AKAP6: variants seen among roughly 807,000 people sequenced by gnomAD.
AKAP6 encodes A-kinase anchoring protein 6.
In AKAP6, 58 loss-of-function variants were observed where a neutral mutation model predicts 188.5. The ratio of observed to expected loss-of-function variants is 0.31; its 90% CI spans 0.25 to 0.38. The LOEUF (loss-of-function observed/expected upper bound fraction) is 0.38. AKAP6 is among the 10% of genes least tolerant of loss of function. AKAP6 has a pLI of 1.00. For synonymous variants in AKAP6, 989 were observed against 998.6 expected (o/e 0.99, Z 0.18); for missense variants, 2,710 against 2,740.0 (o/e 0.99, Z 0.24).
chr14:32,511,004 C>G (rs1488699427), intron 2 of AKAP6, among the ~76,000 whole-genome samples: 1 of 152,186 alleles, frequency 6.6e-6, no homozygotes, highest in Non-Finnish European at 1.5e-5. Flanking sequence ...CCTCTATCAT[C>G]TGTTTAGAGT....
At chr14:32,668,079 G>T (rs1275638023) in intron 7 of AKAP6, among the ~76,000 whole-genome samples, 1 of 152,078 alleles carries the variant, frequency 6.6e-6, no homozygotes, top group African/African-American at 2.4e-5. Context: ...TAAGGATGCT[G>T]CCATAGAATA....
At chr14:32,615,784 C>T (rs904614788) in intron 7 of AKAP6, among the ~76,000 whole-genome samples, 10 of 151,920 alleles carry the variant, frequency 6.6e-5, no homozygotes, top group Non-Finnish European at 1.2e-4. Context: ...TTTAGAGAGA[C>T]GGGGTTTCAC....
intron 2 of AKAP6, among the ~76,000 whole-genome samples, chr14:32,517,535 C>T (rs140178978): frequency 2.6e-5 from 4 of 152,324 alleles, no homozygotes; most frequent in Non-Finnish European, 4.4e-5. Flanking sequence ...AAATGGCACA[C>T]CAGGAGATTA....
At chr14:32,431,576 C>T (rs574092348) in intron 1 of AKAP6, among the ~76,000 whole-genome samples, 7 of 152,216 alleles carry the variant, frequency 4.6e-5, no homozygotes, top group Middle Eastern at 6.8e-3. Context: ...GGTGCAATCT[C>T]GGCTCAGCTC....
In AKAP6 at chr14:32,415,067, A is replaced by G. The variant is rs115614195; in HGVS notation, c.-34-18393A>G. Reference sequence around the variant, plus strand: ...TAAATATTTCATGGACAGAGACATAACTGGCAATACTGATGGAAAAGAAGT... The same window carrying G: ...TAAATATTTCATGGACAGAGACATAGCTGGCAATACTGATGGAAAAGAAGT... On this transcript the variant is annotated intron_variant, in intron 1 of 13. Coordinates refer to ENST00000280979, the MANE Select transcript of AKAP6 (RefSeq NM_004274.5). Among the ~76,000 whole-genome samples the G allele has an allele frequency of 3.9e-3, 595 of 152,350 alleles. 2 individuals carry two copies. Among genetic ancestry groups the G allele is most frequent in the African/African-American group, 0.014 (567 of 41,594 alleles).
At chr14:32,436,023 A>C (rs1309079150) in intron 2 of AKAP6, among the ~76,000 whole-genome samples, 2 of 152,212 alleles carry the variant, frequency 1.3e-5, no homozygotes, top group African/African-American at 2.4e-5. Flanking sequence ...GAACTTGGGC[A>C]CAGAGTTTTA....
chr14:32,655,668 C>T (rs998313819), intron 7 of AKAP6, among the ~76,000 whole-genome samples: 8 of 152,076 alleles, frequency 5.3e-5, no homozygotes, highest in African/African-American at 1.7e-4. Flanking sequence ...TTAGAGAAAG[C>T]GTTTCATGCA....
intron 7 of AKAP6, among the ~76,000 whole-genome samples, chr14:32,626,366 T>C (rs1887022421): frequency 6.6e-6 from 1 of 152,116 alleles, no homozygotes; most frequent in South Asian, 2.1e-4. Context: ...AATTTTCCTT[T>C]TTTTAAAATA....
chr14:32,624,426 A>AT (rs1354860518), intron 7 of AKAP6, among the ~76,000 whole-genome samples: 1 of 152,192 alleles, frequency 6.6e-6, no homozygotes, highest in East Asian at 1.9e-4. Context: ...CCATAATAAC[A>AT]TTTTAAATTG....
rs1478122393 is a variant in AKAP6 at position 32,433,333 on chromosome 14, A to G, written c.-34-127A>G. The G allele has an allele frequency of 4.4e-6, 3 of 680,770 alleles. No homozygotes were observed. The East Asian group carries it at 8.4e-5, about 19-fold the overall frequency. The allele number at this position is 680,770 out of a possible 1,614,324, so 42.2% of individuals were successfully genotyped here. On this transcript the variant is annotated intron_variant, in intron 1 of 13. Coordinates refer to ENST00000280979, the MANE Select transcript of AKAP6 (RefSeq NM_004274.5). ...CAAAACACCTCTTTCTGTTTTTGTT[A>G]TGAGCTATGGTTTCTTAATTTAGAA...
At chr14:32,699,907 G>A (rs974234760) in intron 9 of AKAP6, among the ~76,000 whole-genome samples, 7 of 152,166 alleles carry the variant, frequency 4.6e-5, no homozygotes, top group Admixed American at 2.0e-4. Flanking sequence ...CTAGAGTTAC[G>A]ACGCCAGAAT....
chr14:32,751,318 C>A (rs1184649586), intron 11 of AKAP6, among the ~76,000 whole-genome samples: 1 of 151,972 alleles, frequency 6.6e-6, no homozygotes, highest in African/African-American at 2.4e-5. Context: ...CACATATAAA[C>A]AATAGCTTGG....
chr14:32,368,426 A>G (rs963518059), intron 1 of AKAP6, among the ~76,000 whole-genome samples: 9 of 152,242 alleles, frequency 5.9e-5, no homozygotes, highest in Non-Finnish European at 1.0e-4. Flanking sequence ...GCTGTAAAGT[A>G]TGATGAGTAT....
intron 5 of AKAP6, among the ~76,000 whole-genome samples, chr14:32,581,764 C>G (rs1884977813): frequency 6.6e-6 from 1 of 152,132 alleles, no homozygotes; most frequent in Non-Finnish European, 1.5e-5. Flanking sequence ...TTCTTTGTCT[C>G]TTTTGATCTT....
chr14:32,695,268 G>T (rs980659437), intron 8 of AKAP6, among the ~76,000 whole-genome samples: 1 of 152,112 alleles, frequency 6.6e-6, no homozygotes, highest in African/African-American at 2.4e-5. Flanking sequence ...ATCTGCCACT[G>T]GTTCTCACTG....
intron 11 of AKAP6, among the ~76,000 whole-genome samples, chr14:32,760,494 T>G (rs1185905645): frequency 6.6e-6 from 1 of 152,186 alleles, no homozygotes; most frequent in Non-Finnish European, 1.5e-5. Context: ...TTGTGGTTTG[T>G]TTTTCAATCC....
chr14:32,575,060 G>C (rs768567605), intron 4 of AKAP6, among the ~76,000 whole-genome samples: 1 of 152,162 alleles, frequency 6.6e-6, no homozygotes, highest in Non-Finnish European at 1.5e-5. Flanking sequence ...CCAGATAAAG[G>C]AGTTTAGGAA....
chr14:32,667,305 C>CAAAATATT (rs1430630212), intron 7 of AKAP6, among the ~76,000 whole-genome samples: 1 of 151,940 alleles, frequency 6.6e-6, no homozygotes, highest in African/African-American at 2.4e-5. Context: ...AGGGAGTAAT[C>CAAAATATT]AAAATATTCC....
At chr14:32,539,330 G>A (rs1452656012) in intron 3 of AKAP6, among the ~76,000 whole-genome samples, 1 of 152,172 alleles carries the variant, frequency 6.6e-6, no homozygotes, top group East Asian at 1.9e-4. Context: ...CCTTCTGCGT[G>A]GGGATGCATT....
Sources: allele counts gnomAD v4.1 joint callset (sites outside exome capture counted in the v4.1 genomes callset), GRCh38; gene constraint gnomAD v4.1.1; transcripts MANE v1.5; gene names NCBI Gene and HGNC (gene_info 2026-07-23, HGNC 2026-07-21).